The following BICRAL variants were observed in gnomAD, a reference collection of about 807,000 sequenced individuals.
BICRAL encodes the protein BRD4-interacting chromatin-remodeling complex-associated protein-like.
BICRAL carries 8 observed loss-of-function variants against 91.8 expected under a neutral mutation model. The ratio of observed to expected loss-of-function variants is 0.09; its 90% CI spans 0.05 to 0.16. The LOEUF (loss-of-function observed/expected upper bound fraction) is 0.16. Among genes scored for constraint, BICRAL ranks in the 10% least tolerant of loss-of-function variants. BICRAL has a pLI of 1.00. For missense variants in BICRAL, 1,038 were observed against 1,310.9 expected (o/e 0.79, Z 3.21); for synonymous variants, 445 against 491.1 (o/e 0.91, Z 1.24).
At chr6:42,845,477 C>A (rs977868694) in intron 6 of BICRAL, among the ~76,000 whole-genome samples, 2 of 151,600 alleles carry the variant, frequency 1.3e-5, no homozygotes, top group Non-Finnish European at 2.9e-5. Flanking sequence ...ATCAGAAACT[C>A]CCCGTAACAT....
chr6:42,756,896 C>CTT lies in BICRAL; in HGVS notation c.-261+9874_-261+9875insTT, dbSNP rs1256825191. On this transcript the variant is annotated intron_variant, in intron 1 of 14. Transcript: ENST00000614467. ...GCTCTCGCGCGCGCGCTCTCTCTCT[C>CTT]TCTCTCTCTCTCTCTCTCCCTCTCC... 2.1e-3 allele frequency among the ~76,000 whole-genome samples: 189 copies of CTT among 91,652 alleles called. 16 individuals are homozygous for CTT. Among genetic ancestry groups the CTT allele is most frequent in the African/African-American group, 7.4e-3 (169 of 22,974 alleles). The allele number at this position is 91,652 out of a possible 152,430, so 60.1% of individuals were successfully genotyped here.
chr6:42,783,630 G>C (rs1234133343), intron 1 of BICRAL, among the ~76,000 whole-genome samples: 1 of 152,220 alleles, frequency 6.6e-6, no homozygotes, highest in Non-Finnish European at 1.5e-5. Context: ...ATGGGACTGG[G>C]GTCGCGCGGC....
chr6:42,793,023 C>T (rs1394403132), intron 1 of BICRAL, among the ~76,000 whole-genome samples: 1 of 150,432 alleles, frequency 6.6e-6, no homozygotes, highest in Non-Finnish European at 1.5e-5. Flanking sequence ...GGCACAATCT[C>T]AGCTCACTGC....
chr6:42,750,942 G>A (rs986571665), intron 1 of BICRAL, among the ~76,000 whole-genome samples: 1 of 120,712 alleles, frequency 8.3e-6, no homozygotes, highest in Non-Finnish European at 1.6e-5. Flanking sequence ...TGTGCAGAAT[G>A]TGCAGTTTTG....
At chr6:42,827,176 A>G (rs1293766790) in intron 5 of BICRAL, among the ~76,000 whole-genome samples, 2 of 152,206 alleles carry the variant, frequency 1.3e-5, no homozygotes, top group Admixed American at 6.6e-5. Context: ...CTCACTTGGT[A>G]TGGTGCTCAG....
rs147851446 is a variant in BICRAL, at chr6:42,829,832, C to T, written c.1499C>T (p.Pro500Leu). The change falls in exon 6 of 13, where the codon CCC (proline) becomes CTC (leucine). Residue 500 changes from proline (P) to leucine (L), a missense_variant. Pro to Leu is a moderately conservative substitution (Grantham distance 98). Around this residue, in one of 5 missense-constraint regions of BICRAL, gnomAD observed 532 missense variants for 724.9 expected, o/e 0.73. Coordinates refer to ENST00000314073, the MANE Select transcript of BICRAL (RefSeq NM_001393499.1). ...ASPQLVGGQM[P>L]LQQASPTVLH... Reference sequence around the variant, plus strand: ...CCTCAGCTTGTGGGTGGACAGATGCCCTTGCAGCAGGCATCCCCAACTGTA... The same window carrying T: ...CCTCAGCTTGTGGGTGGACAGATGCTCTTGCAGCAGGCATCCCCAACTGTA... 14 of 1,614,070 alleles carry T rather than the reference C, an allele frequency of 8.7e-6. No homozygotes were observed. The highest frequency in any genetic ancestry group is 1.3e-5 in the African/African-American group (1 of 74,934).
At chr6:42,772,744 G>A (rs111640783) in intron 1 of BICRAL, among the ~76,000 whole-genome samples, 1,618 of 152,210 alleles carry the variant, frequency 0.011, 37 homozygotes, top group African/African-American at 0.037. Context: ...TAGCAATTTG[G>A]ATAGGAGATC....
intron 8 of BICRAL, among the ~76,000 whole-genome samples, chr6:42,854,395 A>G (rs1178994210): frequency 1.3e-5 from 2 of 151,862 alleles, no homozygotes; most frequent in Non-Finnish European, 2.9e-5. Context: ...TGTTGCTCAC[A>G]CCTGTCTCAA....
chr6:42,780,325 AT>A (rs112301315), upstream of BICRAL, among the ~76,000 whole-genome samples: 154 of 151,010 alleles, frequency 1.0e-3, no homozygotes, highest in Middle Eastern at 3.4e-3. Context: ...CTACCATTAC[AT>A]TTTTTTTTAA....
At chr6:42,778,473 A>G (rs1762832407), upstream of BICRAL, among the ~76,000 whole-genome samples, 3 of 152,374 alleles carry the variant, frequency 2.0e-5, no homozygotes, top group South Asian at 6.2e-4. Context: ...GATAATGTGT[A>G]TAAGTATCTA....
chr6:42,760,714 A>G (rs1301492825), intron 1 of BICRAL, among the ~76,000 whole-genome samples: 1 of 152,102 alleles, frequency 6.6e-6, no homozygotes, highest in Non-Finnish European at 1.5e-5. Context: ...CTGCTTTTAA[A>G]TTACTTTCTT....
intron 2 of BICRAL, among the ~76,000 whole-genome samples, chr6:42,810,651 A>G (rs1034529441): frequency 5.9e-5 from 9 of 152,238 alleles, no homozygotes; most frequent in South Asian, 2.1e-4. Context: ...GCTCAAACAC[A>G]ATAGTTCACT....
intron 2 of BICRAL, among the ~76,000 whole-genome samples, chr6:42,812,631 G>A (rs1180932368): frequency 6.6e-6 from 1 of 152,082 alleles, no homozygotes; most frequent in East Asian, 1.9e-4. Context: ...TAAAATAAAA[G>A]CGCACTGGAT....
At chr6:42,855,255 C>A (rs184122349) in intron 8 of BICRAL, among the ~76,000 whole-genome samples, 1 of 152,060 alleles carries the variant, frequency 6.6e-6, no homozygotes, top group African/African-American at 2.4e-5. Flanking sequence ...AAAAATATAA[C>A]GATGGGTCAG....
chr6:42,864,050 C>A (rs938512665), intron 12 of BICRAL, among the ~76,000 whole-genome samples: 8 of 152,020 alleles, frequency 5.3e-5, no homozygotes, highest in Non-Finnish European at 8.8e-5. Flanking sequence ...GCCTGTAATC[C>A]CAGCTACTCG....
At chr6:42,782,460 G>GACCA (rs940810815) in intron 1 of BICRAL, among the ~76,000 whole-genome samples, 12 of 140,444 alleles carry the variant, frequency 8.5e-5, no homozygotes, top group Non-Finnish European at 1.4e-4. Flanking sequence ...GCCCCGGGAA[G>GACCA]ACCAAGTTCA....
At chr6:42,843,800 C>CT (rs55723359) in intron 6 of BICRAL, among the ~76,000 whole-genome samples, 82 of 102,102 alleles carry the variant, frequency 8.0e-4, no homozygotes, top group African/African-American at 2.1e-3. Context: ...TAAATTTCTT[C>CT]TTTTTTTTTT....
In BICRAL at chr6:42,829,295, G is replaced by A; in HGVS notation, c.962G>A (p.Gly321Asp). The A allele has an allele frequency of 6.2e-7, 1 of 1,614,204 alleles. No individual in the cohort carries two copies. The highest frequency in any genetic ancestry group is 1.1e-5 in the South Asian group (1 of 91,092). The change falls in exon 6 of 13, where the codon GGT becomes GAT. Residue 321 changes from glycine to aspartate, a missense_variant. Physicochemically the swap from Gly to Asp is moderately conservative, Grantham distance 94. Around this residue, in one of 5 missense-constraint regions of BICRAL, gnomAD observed 532 missense variants for 724.9 expected, o/e 0.73. Coordinates refer to ENST00000314073, the MANE Select transcript of BICRAL (RefSeq NM_001393499.1). ...INIQPKPIQM[G>D]QQNTYNVNNL... Reference sequence around the variant, plus strand: ...ATACAGCCAAAGCCTATCCAGATGGGTCAGCAAAATACATACAATGTGAAC... The same window carrying A: ...ATACAGCCAAAGCCTATCCAGATGGATCAGCAAAATACATACAATGTGAAC...
At chr6:42,782,611 A>G (rs1582812734) in intron 1 of BICRAL, among the ~76,000 whole-genome samples, 1 of 59,308 alleles carries the variant, frequency 1.7e-5, no homozygotes. Context: ...GGAGAGGGAG[A>G]GCCCGGGAAG....
Sources: gnomAD v4.1 joint callset for allele counts (sites outside exome capture counted in the v4.1 genomes callset) on GRCh38, gnomAD v4.1.1 for gene constraint, gnomAD v4.1.1 regional missense constraint, MANE v1.5 for transcripts, NCBI Gene and HGNC (gene_info 2026-07-23, HGNC 2026-07-21) for gene names.